The following UXS1 variants were observed in gnomAD, a reference collection of about 807,000 sequenced individuals.
UXS1 encodes the protein UDP-glucuronic acid decarboxylase 1.
A neutral mutation model predicts 62.6 loss-of-function variants in UXS1; 33 were observed. That is an observed-to-expected ratio of 0.53 (90% CI 0.40 to 0.70). The LOEUF is 0.70. Among genes scored for constraint, UXS1 ranks in the 30% least tolerant of loss-of-function variants. The pLI is 0.00. For synonymous variants in UXS1, 213 were observed against 206.8 expected, an observed-to-expected ratio of 1.03 and a Z score of -0.26; for missense variants, 434 against 556.3, an observed-to-expected ratio of 0.78 and a Z score of 2.21.
chr2:106,174,462 G>C (rs1683751974), intron 1 of UXS1, among the ~76,000 whole-genome samples: 1 of 152,246 alleles, frequency 6.6e-6, no homozygotes, highest in East Asian at 1.9e-4. Context: ...AAGAGCACCA[G>C]AGGCAGATAG....
At chr2:106,122,312 C>T (rs991725181) in intron 9 of UXS1, among the ~76,000 whole-genome samples, 2 of 152,238 alleles carry the variant, frequency 1.3e-5, no homozygotes, top group Admixed American at 1.3e-4. Flanking sequence ...ACCTTCTCTG[C>T]ACAGTTCATT....
chr2:106,147,300 C>A (rs1681655158), intron 5 of UXS1, among the ~76,000 whole-genome samples: 1 of 152,274 alleles, frequency 6.6e-6, no homozygotes, highest in African/African-American at 2.4e-5. Context: ...ACACAACTGA[C>A]CAACGTTAAT....
In UXS1 at chr2:106,128,440, G is replaced by A. The variant is rs140666390; in HGVS notation, c.577+1234C>T. 8.1e-4 allele frequency among the ~76,000 whole-genome samples: 124 copies of A among 152,226 alleles called. 1 individual carries two copies. The highest frequency in any genetic ancestry group is 3.9e-4 in the East Asian group (2 of 5,174). ...CGGGGGTATCTGTGAAGGTGTTTCC[G>A]GAAGAGAGGATAATTTGAATGTGTA... On this transcript the variant is annotated intron_variant, in intron 7 of 14. Coordinates refer to ENST00000283148, the MANE Select transcript of UXS1 (RefSeq NM_001253875.2).
At chr2:106,123,437 T>C (rs971784821) in intron 8 of UXS1, among the ~76,000 whole-genome samples, 8 of 152,220 alleles carry the variant, frequency 5.3e-5, no homozygotes, top group Admixed American at 6.5e-5. Context: ...TTTTGTTTTA[T>C]ATTTATAAAG....
At chr2:106,152,525 A>G (rs1682109314) in intron 5 of UXS1, among the ~76,000 whole-genome samples, 1 of 150,102 alleles carries the variant, frequency 6.7e-6, no homozygotes, top group Non-Finnish European at 1.5e-5. Flanking sequence ...GAGGGAAAAG[A>G]AAAGAAAGAA....
chr2:106,096,032 C>T (rs962676325), intron 14 of UXS1, among the ~76,000 whole-genome samples: 2 of 152,250 alleles, frequency 1.3e-5, no homozygotes, highest in Admixed American at 1.3e-4. Context: ...CCTTCAGTCT[C>T]GCACGCTTCC....
rs573568959 is a variant in UXS1, at chr2:106,123,740, C to A, written c.638-649G>T. Among the ~76,000 whole-genome samples the A allele has an allele frequency of 2.4e-4, 37 of 152,310 alleles. 1 individual carries two copies. Among genetic ancestry groups the A allele is most frequent in the African/African-American group, 8.4e-4 (35 of 41,562 alleles). ...ATTGGAAGAAAACACGTAACAAATT[C>A]TTTTATTCACACAAGTATATTTCTG... On this transcript the variant is annotated intron_variant, in intron 8 of 14. Transcript: ENST00000283148.
chr2:106,115,284 G>A (rs904006316), intron 9 of UXS1, among the ~76,000 whole-genome samples: 1 of 152,180 alleles, frequency 6.6e-6, no homozygotes, highest in Non-Finnish European at 1.5e-5. Context: ...ACCAGGCAAC[G>A]CTGTCTCATT....
chr2:106,104,860 GCCT>G (rs749458940), intron 10 of UXS1, 23 bp from the exon 11 acceptor site: 473 of 1,613,842 alleles, frequency 2.9e-4, no homozygotes, highest in South Asian at 9.8e-4. Context: ...CAACAGTTAG[GCCT>G]CCTGATAAAA....
At chr2:106,097,687 A>G (rs10203790) in intron 13 of UXS1, 185,603 of 187,410 alleles carry the variant, frequency 0.99, 91,929 homozygotes, top group Middle Eastern at 1. Context: ...TTTCTAACAC[A>G]CATCTGATGA....
chr2:106,136,131 C>T (rs1680619466), intron 6 of UXS1, among the ~76,000 whole-genome samples: 1 of 39,858 alleles, frequency 2.5e-5, no homozygotes, highest in Non-Finnish European at 5.9e-5. Flanking sequence ...CAAAAGAAGA[C>T]ATTTATGCAG....
chr2:106,104,687 C>T (rs1214649024), intron 11 of UXS1, 107 bp downstream of exon 11: 18 of 1,356,080 alleles, frequency 1.3e-5, no homozygotes, highest in Middle Eastern at 3.6e-4. Context: ...ATAGTGTTAG[C>T]GTTGTGGAAA....
At chr2:106,143,661 C>T (rs1461201315) in intron 6 of UXS1, among the ~76,000 whole-genome samples, 1 of 152,122 alleles carries the variant, frequency 6.6e-6, no homozygotes, top group Non-Finnish European at 1.5e-5. Flanking sequence ...GTGTTCCTTT[C>T]TTCAGAGGAT....
chr2:106,148,107 G>A (rs958081073), intron 5 of UXS1, among the ~76,000 whole-genome samples: 1 of 152,140 alleles, frequency 6.6e-6, no homozygotes, highest in African/African-American at 2.4e-5. Context: ...TCACTAGCTG[G>A]GACACACTAA....
At chr2:106,148,286 C>T (rs1349471121) in intron 5 of UXS1, among the ~76,000 whole-genome samples, 1 of 152,232 alleles carries the variant, frequency 6.6e-6, no homozygotes, top group East Asian at 1.9e-4. Flanking sequence ...TAGAGCTTAA[C>T]TCACGGGATG....
At chr2:106,137,887 C>G (rs12992329) in intron 6 of UXS1, among the ~76,000 whole-genome samples, 2 of 152,082 alleles carry the variant, frequency 1.3e-5, no homozygotes, top group Admixed American at 1.3e-4. Context: ...CCACAGAGCC[C>G]GCTCAGGTGT....
At chr2:106,190,575 C>T (rs927015345) in intron 1 of UXS1, among the ~76,000 whole-genome samples, 2 of 152,022 alleles carry the variant, frequency 1.3e-5, no homozygotes, top group African/African-American at 4.8e-5. Flanking sequence ...GAGAAACCGT[C>T]TCTACTAAAA....
At chr2:106,123,296 AGG>A (rs11325302) in intron 8 of UXS1, among the ~76,000 whole-genome samples, 4 of 149,230 alleles carry the variant, frequency 2.7e-5, no homozygotes, top group Non-Finnish European at 3.0e-5. Context: ...TTTTACTTAC[AGG>A]GGAAAAAAAA....
chr2:106,153,603 G>A lies in UXS1; in HGVS notation c.291+4455C>T, dbSNP rs117308711. Among the ~76,000 whole-genome samples, 7 of 152,252 alleles carry A rather than the reference G, an allele frequency of 4.6e-5. No individual in the cohort carries two copies. In the East Asian group the frequency reaches 1.2e-3, roughly 25 times the overall value. On this transcript the variant is annotated intron_variant, in intron 5 of 14. Transcript: ENST00000283148. Reference sequence around the variant, plus strand: ...TGGGATGAGGGCACAGTATCCAGAAGTGCTACAATATACTACCTAAAATGC... The same window carrying A: ...TGGGATGAGGGCACAGTATCCAGAAATGCTACAATATACTACCTAAAATGC...
Sources: gnomAD v4.1 joint callset for allele counts (sites outside exome capture counted in the v4.1 genomes callset) on GRCh38, gnomAD v4.1.1 for gene constraint, MANE v1.5 for transcripts, NCBI Gene and HGNC (gene_info 2026-07-23, HGNC 2026-07-21) for gene names.